GALNT18: variants seen among roughly 807,000 people sequenced by gnomAD.
GALNT18 encodes the protein GalNAc-transferase 18.
In GALNT18, 44 loss-of-function variants were observed where a neutral mutation model predicts 69.5. The observed-to-expected ratio is 0.63, with a 90% CI of 0.50 to 0.81. GALNT18 has a LOEUF of 0.81. Ranked by LOEUF, GALNT18 falls within the 40% of genes least tolerant of loss-of-function variation. The probability of loss-of-function intolerance (pLI) is 0.00; values close to 1 mark genes in which losing one functional copy is unlikely to be tolerated. For missense variants in GALNT18, 715 were observed against 810.0 expected (o/e 0.88, Z 1.42); for synonymous variants, 364 against 318.2 (o/e 1.14, Z -1.53).
chr11:11,284,930 T>TTTTTTTTTA lies in GALNT18; in HGVS notation c.1677+8098_1677+8099insTAAAAAAAA, dbSNP rs1554909662. Among the ~76,000 whole-genome samples, 168 of 134,688 alleles carry TTTTTTTTTA rather than the reference T, an allele frequency of 1.2e-3. 3 individuals carry two copies. Among genetic ancestry groups the TTTTTTTTTA allele is most frequent in the African/African-American group, 4.3e-3 (158 of 36,872 alleles). 88.4% of individuals were successfully genotyped at this position (134,688 alleles called of 152,430 possible). On this transcript the variant is annotated intron_variant, in intron 10 of 10. Coordinates refer to ENST00000227756, the MANE Select transcript of GALNT18 (RefSeq NM_198516.3). ...CGTGTTTTTTTTTTTTTTTTTTTTT[T>TTTTTTTTTA]AACTACTTGGGCGTTCTCTTTCTTA...
chr11:11,277,871 T>A lies in GALNT18; in HGVS notation c.1678-6581A>T, dbSNP rs1224758636. On this transcript the variant is annotated intron_variant, in intron 10 of 10. Coordinates refer to ENST00000227756, the MANE Select transcript of GALNT18 (RefSeq NM_198516.3). ...TTGCACTGTGGTCTGAGAGACTGTT[T>A]GCTATGATTTCCGTTCTTTTGCAAT... Among the ~76,000 whole-genome samples, 5 of 152,268 alleles carry A rather than the reference T, an allele frequency of 3.3e-5. No homozygotes were observed. The South Asian group carries it at 1.0e-3, about 32-fold the overall frequency.
chr11:11,524,579 ATTGGTCCTT>A (rs1225300156), intron 1 of GALNT18, among the ~76,000 whole-genome samples: 2 of 152,174 alleles, frequency 1.3e-5, no homozygotes, highest in East Asian at 1.9e-4. Context: ...CCAAATAGGG[ATTGGTCCTT>A]CAGCCTGTGC....
chr11:11,351,312 G>C (rs894017379), intron 6 of GALNT18, among the ~76,000 whole-genome samples: 1 of 152,204 alleles, frequency 6.6e-6, no homozygotes, highest in African/African-American at 2.4e-5. Flanking sequence ...GGTGAAGCTA[G>C]CCAGGGTGGT....
Position 11,383,634 on chromosome 11 carries a change from TTCATTCAA to T in GALNT18, c.596-4378_596-4371del, listed in dbSNP as rs1448427195. ...GAGAGTTCACCCATTCATTCATTCATTCATTCAACAAATATTGAACACTTACTGATATG... is the reference window on the plus strand; with the variant it reads ...GAGAGTTCACCCATTCATTCATTCATCAAATATTGAACACTTACTGATATG... On this transcript the variant is annotated intron_variant, in intron 3 of 10. Transcript: ENST00000227756. The surrounding 1 kb of genome is among the most constrained non-coding windows in gnomAD (Gnocchi z 5.2). 6.6e-6 allele frequency among the ~76,000 whole-genome samples: 1 copy of T among 152,192 alleles called. No individual in the cohort carries two copies. The highest frequency in any genetic ancestry group is 1.5e-5 in the Non-Finnish European group (1 of 68,036).
intron 6 of GALNT18, among the ~76,000 whole-genome samples, chr11:11,346,561 G>A (rs1850306834): frequency 6.6e-6 from 1 of 152,234 alleles, no homozygotes; most frequent in Non-Finnish European, 1.5e-5. Flanking sequence ...GTAAAACCTA[G>A]GAAGTCATCA....
At chr11:11,527,297 CT>C (rs951672980) in intron 1 of GALNT18, among the ~76,000 whole-genome samples, 2 of 152,290 alleles carry the variant, frequency 1.3e-5, no homozygotes, top group African/African-American at 2.4e-5. Flanking sequence ...ATCTAAGACA[CT>C]TTTTTGATCA....
intron 9 of GALNT18, among the ~76,000 whole-genome samples, chr11:11,321,242 G>T (rs1849834389): frequency 6.6e-6 from 1 of 152,212 alleles, no homozygotes; most frequent in Admixed American, 6.5e-5. Context: ...AGGCTCAGAT[G>T]AAACTCATCA....
At chr11:11,307,966 C>T (rs1029057480) in intron 9 of GALNT18, among the ~76,000 whole-genome samples, 16 of 152,180 alleles carry the variant, frequency 1.1e-4, no homozygotes, top group Admixed American at 6.5e-5. Context: ...AAGCTGGGGG[C>T]CAGGGGTGAC....
At chr11:11,585,189 CAG>C (rs1205319844) in intron 1 of GALNT18, among the ~76,000 whole-genome samples, 1 of 152,132 alleles carries the variant, frequency 6.6e-6, no homozygotes, top group African/African-American at 2.4e-5. Flanking sequence ...TTTGATGTAA[CAG>C]AATATAAAAC....
intron 3 of GALNT18, among the ~76,000 whole-genome samples, chr11:11,393,841 T>C (rs1854255605): frequency 6.6e-6 from 1 of 152,256 alleles, no homozygotes; most frequent in Non-Finnish European, 1.5e-5. Context: ...AGATTTACTT[T>C]AGAAAACTCA....
At position 11,480,262 on chromosome 11, in the gene GALNT18, CTCTT is replaced by C. The variant is rs1319530773; in HGVS notation, c.236-31330_236-31327del. Among the ~76,000 whole-genome samples the C allele has an allele frequency of 1.3e-5, 2 of 150,260 alleles. No homozygotes were observed. The highest frequency in any genetic ancestry group is 2.1e-4 in the South Asian group (1 of 4,824). ...TTTCTTCCTTCCTTCCTCTCTCTCTCTCTTTCTCTCTCTCTCGCCCCCCTCGCCC... is the reference window on the plus strand; with the variant it reads ...TTTCTTCCTTCCTTCCTCTCTCTCTCTCTCTCTCTCTCGCCCCCCTCGCCC... On this transcript the variant is annotated intron_variant, in intron 1 of 10. Transcript: ENST00000227756. This position sits in a 1 kb window ranked among gnomAD's most constrained non-coding sequence, Gnocchi z 4.6.
At chr11:11,428,556 G>A (rs935600820) in intron 3 of GALNT18, among the ~76,000 whole-genome samples, 1 of 152,188 alleles carries the variant, frequency 6.6e-6, no homozygotes, top group African/African-American at 2.4e-5. Context: ...AGAAAGACAA[G>A]TCCTTTATTT....
chr11:11,363,182 A>T (rs1850681687), intron 6 of GALNT18, among the ~76,000 whole-genome samples: 1 of 152,242 alleles, frequency 6.6e-6, no homozygotes, highest in Non-Finnish European at 1.5e-5. Flanking sequence ...CAGGATGAAG[A>T]GAACAACGCT....
In GALNT18 at chr11:11,480,254, CTCTCTCTCTCTT is replaced by C. The variant is rs1015521890; in HGVS notation, c.236-31330_236-31319del. 3.4e-5 allele frequency among the ~76,000 whole-genome samples: 5 copies of C among 148,168 alleles called. No individual in the cohort carries two copies. The highest frequency in any genetic ancestry group is 3.3e-4 in the Admixed American group (5 of 15,126). On this transcript the variant is annotated intron_variant, in intron 1 of 10. Transcript: ENST00000227756. The surrounding 1 kb of genome is among the most constrained non-coding windows in gnomAD (Gnocchi z 4.6). ...TTTCTTTCTTTCTTCCTTCCTTCCT[CTCTCTCTCTCTT>C]TCTCTCTCTCTCGCCCCCCTCGCCC...
chr11:11,408,541 C>T (rs555160502), intron 3 of GALNT18, among the ~76,000 whole-genome samples: 42 of 152,184 alleles, frequency 2.8e-4, no homozygotes, highest in African/African-American at 9.6e-4. Context: ...TTCCAAGAGT[C>T]GCCGTCTCTT....
At chr11:11,411,530 T>C (rs1854727030) in intron 3 of GALNT18, among the ~76,000 whole-genome samples, 1 of 152,216 alleles carries the variant, frequency 6.6e-6, no homozygotes, top group Non-Finnish European at 1.5e-5. Context: ...ACCCATCTTC[T>C]TGGTCTGCTC....
At position 11,613,693 on chromosome 11, in the gene GALNT18, C is replaced by T. The variant is rs1239552191; in HGVS notation, c.235+7666G>A. Among the ~76,000 whole-genome samples, 1 of 152,210 alleles carries T rather than the reference C, an allele frequency of 6.6e-6. No homozygotes were observed. The highest frequency in any genetic ancestry group is 6.5e-5 in the Admixed American group (1 of 15,280). ...GTAGGAGCCATGAAATGACCACATCCCTGCCAAATCCAAGGCAGAAGCTCC... is the reference window on the plus strand; with the variant it reads ...GTAGGAGCCATGAAATGACCACATCTCTGCCAAATCCAAGGCAGAAGCTCC... On this transcript the variant is annotated intron_variant, in intron 1 of 10. Coordinates refer to ENST00000227756, the MANE Select transcript of GALNT18 (RefSeq NM_198516.3). The surrounding 1 kb of genome is among the most constrained non-coding windows in gnomAD (Gnocchi z 4.2).
chr11:11,370,602 C>A (rs1052104549), intron 6 of GALNT18, among the ~76,000 whole-genome samples: 28 of 147,052 alleles, frequency 1.9e-4, no homozygotes, highest in Admixed American at 1.3e-3. Context: ...AAAAAAAAAA[C>A]CAGATATCAT....
intron 10 of GALNT18, among the ~76,000 whole-genome samples, chr11:11,287,067 G>A (rs1316540025): frequency 6.6e-6 from 1 of 152,166 alleles, no homozygotes; most frequent in Non-Finnish European, 1.5e-5. Context: ...CTATGAAGAA[G>A]CAGCTCAATA....
Sources: allele counts gnomAD v4.1 joint callset (sites outside exome capture counted in the v4.1 genomes callset), GRCh38; gene constraint gnomAD v4.1.1; non-coding constraint Gnocchi (gnomAD v3.1); transcripts MANE v1.5; gene names NCBI Gene and HGNC (gene_info 2026-07-23, HGNC 2026-07-21).